The following MCM3 variants were observed in gnomAD, a reference collection of about 807,000 sequenced individuals.
MCM3 encodes the protein DNA replication licensing factor MCM3.
A neutral mutation model predicts 91.3 loss-of-function variants in MCM3; 59 were observed. That is an observed-to-expected ratio of 0.65 (90% CI 0.52 to 0.80). MCM3 has a LOEUF of 0.80. Among genes scored for constraint, MCM3 ranks in the 30% least tolerant of loss-of-function variants. The probability of loss-of-function intolerance (pLI) is 0.00; values close to 1 mark genes in which losing one functional copy is unlikely to be tolerated. For synonymous variants in MCM3, 383 were observed against 379.6 expected, an observed-to-expected ratio of 1.01 and a Z score of -0.10; for missense variants, 919 against 1,035.4, an observed-to-expected ratio of 0.89 and a Z score of 1.54.
intron 7 of MCM3, 114 bp from the exon 8 acceptor site, chr6:52,277,312 A>AT: frequency 2.5e-6 from 3 of 1,209,028 alleles, no homozygotes; most frequent in Middle Eastern, 2.9e-4. Context: ...GTGGATTTTA[A>AT]TATTTTTCCT....
At chr6:52,274,816 A>G (rs1282902021) in intron 9 of MCM3, among the ~76,000 whole-genome samples, 1 of 152,208 alleles carries the variant, frequency 6.6e-6, no homozygotes, top group East Asian at 1.9e-4. Flanking sequence ...CAGAGAACAT[A>G]ACAACCTTTA....
chr6:52,269,329 G>A (rs2128276608), intron 12 of MCM3, 103 bp from the exon 13 acceptor site: 2 of 1,159,688 alleles, frequency 1.7e-6, no homozygotes, highest in East Asian at 2.4e-5. Context: ...AGCCCCAGGA[G>A]GCCCAAGCAA....
intron 14 of MCM3, 21 bp from the exon 15 acceptor site, chr6:52,266,717 A>C: frequency 6.3e-7 from 1 of 1,589,382 alleles, no homozygotes; most frequent in South Asian, 1.1e-5. Flanking sequence ...CACAGCAGTT[A>C]AGAGAGAGAA....
In MCM3 at chr6:52,282,648, C is replaced by T; in HGVS notation, c.400+5G>A. Reference sequence around the variant, plus strand: ...TTCCTAAGCGGCCCCCTTTAACCCACTTACATTTAGTGACAATGCCCTCCA... The same window carrying T: ...TTCCTAAGCGGCCCCCTTTAACCCATTTACATTTAGTGACAATGCCCTCCA... On this transcript the variant is annotated splice_donor_5th_base_variant and intron_variant, in intron 3 of 16. Coordinates refer to ENST00000596288, the MANE Select transcript of MCM3 (RefSeq NM_002388.6). 1 of 1,612,696 alleles carries T rather than the reference C, an allele frequency of 6.2e-7. No homozygotes were observed. Among genetic ancestry groups the T allele is most frequent in the Non-Finnish European group, 8.5e-7 (1 of 1,179,958 alleles).
chr6:52,266,219 C>A, intron 15 of MCM3, 75 bp from the exon 16 acceptor site: 2 of 1,077,836 alleles, frequency 1.9e-6, no homozygotes, highest in Non-Finnish European at 1.4e-6. Flanking sequence ...CTAGAGAAAT[C>A]ATCTCCACTC....
At chr6:52,281,217 G>A (rs1048565003) in intron 4 of MCM3, among the ~76,000 whole-genome samples, 11 of 152,012 alleles carry the variant, frequency 7.2e-5, no homozygotes, top group Admixed American at 3.3e-4. Context: ...TCCCAAACCC[G>A]CAACAAAATA....
rs959456610 is a variant in MCM3 at position 52,279,536 on chromosome 6, T to C, written c.595A>G (p.Ile199Val). ...TTCTCCGGCATCTCCTGGATGGTGATGGTCTGGTGATCCTTGTAGACAGAA... is the reference window on the plus strand; with the variant it reads ...TTCTCCGGCATCTCCTGGATGGTGACGGTCTGGTGATCCTTGTAGACAGAA... ...GLSVYKDHQT[I>V]TIQEMPEKAP... Residue 199 changes from isoleucine to valine, a missense_variant, in exon 5 of 17, where the codon ATC (isoleucine) becomes GTC (valine). Transcript: ENST00000596288. The C allele has an allele frequency of 1.2e-6, 2 of 1,614,120 alleles. No homozygotes were observed. The highest frequency in any genetic ancestry group is 1.7e-6 in the Non-Finnish European group (2 of 1,180,004).
chr6:52,268,653 T>C (rs2128276137), intron 13 of MCM3, among the ~76,000 whole-genome samples: 1 of 152,252 alleles, frequency 6.6e-6, no homozygotes, highest in Non-Finnish European at 1.5e-5. Flanking sequence ...GTTTGAGAGT[T>C]CAACTTTAAA....
In MCM3 at chr6:52,279,407, G is replaced by A. The variant is rs771794236; in HGVS notation, c.724C>T (p.Arg242Cys). The A allele has an allele frequency of 8.8e-5, 142 of 1,613,986 alleles. No homozygotes were observed. Among genetic ancestry groups the A allele is most frequent in the East Asian group, 2.0e-4 (9 of 44,890 alleles). ...CCTCCCTTCTTTCCAGGAAGGCAACGGTAGGTTCCCACCACCTGAACCCGG... is the reference window on the plus strand; with the variant it reads ...CCTCCCTTCTTTCCAGGAAGGCAACAGTAGGTTCCCACCACCTGAACCCGG... ...GDRVQVVGTY[R>C]CLPGKKGGYT... The change falls in exon 5 of 17, where the codon CGT (arginine) becomes TGT (cysteine). Residue 242 changes from arginine (R) to cysteine (C), a missense_variant. Around this residue, in one of 3 missense-constraint regions of MCM3, gnomAD observed 401 missense variants for 402.7 expected, o/e 1.00. Transcript: ENST00000596288.
chr6:52,278,135 T>C (rs1422836832), intron 6 of MCM3, among the ~76,000 whole-genome samples: 1 of 150,320 alleles, frequency 6.7e-6, no homozygotes, highest in Non-Finnish European at 1.5e-5. Context: ...GGTACATTGT[T>C]CCTAACTGCA....
intron 9 of MCM3, among the ~76,000 whole-genome samples, chr6:52,274,782 A>G (rs759026854): frequency 1.3e-5 from 2 of 152,020 alleles, no homozygotes; most frequent in Non-Finnish European, 2.9e-5. Flanking sequence ...ACTGATACTT[A>G]CCCATCCACA....
At chr6:52,278,329 C>T (rs1272087731) in intron 6 of MCM3, among the ~76,000 whole-genome samples, 9 of 152,132 alleles carry the variant, frequency 5.9e-5, no homozygotes, top group Admixed American at 6.6e-5. Flanking sequence ...TATCATCACA[C>T]ATTCATATAT....
In MCM3 at chr6:52,276,471, G is replaced by A. The variant is rs1765575181; in HGVS notation, c.1171C>T (p.Arg391Cys). The A allele has an allele frequency of 6.8e-6, 11 of 1,613,852 alleles. No homozygotes were observed. The East Asian group carries it at 8.9e-5, about 13-fold the overall frequency. ...ACCATGGCCCCTGCTTCCAGACGGC[G>A]CTCTCCTGGGAAGTGAGAAGGTAAA... ...AVTTDQETGERRLEAGAMVLA... is the reference protein window; with the variant it reads ...AVTTDQETGECRLEAGAMVLA... The change falls in exon 9 of 17, where the codon CGC becomes TGC. Residue 391 changes from arginine (R) to cysteine (C), a missense_variant. Coordinates refer to ENST00000596288, the MANE Select transcript of MCM3 (RefSeq NM_002388.6).
chr6:52,264,401 G>A lies in MCM3; in HGVS notation c.*187C>T. Reference sequence around the variant, plus strand: ...CTGTCTCCTCTTTCCTCACCCCATGGCAGCTTTCATGACCCATTCCCAAAG... The same window carrying A: ...CTGTCTCCTCTTTCCTCACCCCATGACAGCTTTCATGACCCATTCCCAAAG... On this transcript the variant is annotated 3_prime_UTR_variant, in exon 17 of 17. Coordinates refer to ENST00000596288, the MANE Select transcript of MCM3 (RefSeq NM_002388.6). 1.7e-6 allele frequency: 1 copy of A among 597,832 alleles called. No homozygotes were observed. 37.0% of individuals were successfully genotyped at this position (597,832 alleles called of 1,614,324 possible).
intron 9 of MCM3, among the ~76,000 whole-genome samples, chr6:52,274,510 C>T (rs1765398702): frequency 6.6e-6 from 1 of 151,840 alleles, no homozygotes; most frequent in Non-Finnish European, 1.5e-5. Context: ...AAAACCCTGT[C>T]CCTATAAAAA....
chr6:52,278,903 G>C, intron 5 of MCM3, 53 bp from the exon 6 acceptor site: 1 of 1,302,284 alleles, frequency 7.7e-7, no homozygotes, highest in Non-Finnish European at 1.1e-6. Flanking sequence ...CCTAACATCA[G>C]TAGCTAGTAC....
Position 52,273,370 on chromosome 6 carries a change from G to A in MCM3, c.1550-14C>T. On this transcript the variant is annotated splice_polypyrimidine_tract_variant and intron_variant, in intron 10 of 16. Transcript: ENST00000596288. ...CCAAGGGCATAGCTGGTATACCCAA[G>A]TTAGGAGAAAGGAGAGTAATAAAGA... 6.2e-7 allele frequency: 1 copy of A among 1,613,922 alleles called. No homozygotes were observed. The highest frequency in any genetic ancestry group is 2.2e-5 in the East Asian group (1 of 44,874).
At chr6:52,266,334 A>G (rs1245765687) in intron 15 of MCM3, among the ~76,000 whole-genome samples, 190 bp from the exon 16 acceptor site, 1 of 152,206 alleles carries the variant, frequency 6.6e-6, no homozygotes, top group Non-Finnish European at 1.5e-5. Context: ...TGATGAAGGA[A>G]TTTAGTCAGG....
chr6:52,271,356 A>G (rs1472803846), intron 12 of MCM3, among the ~76,000 whole-genome samples: 1 of 151,944 alleles, frequency 6.6e-6, no homozygotes, highest in African/African-American at 2.4e-5. Context: ...ATTTAGACAA[A>G]TTTGGGCCGG....
Sources: allele counts gnomAD v4.1 joint callset (sites outside exome capture counted in the v4.1 genomes callset), GRCh38; gene constraint gnomAD v4.1.1; regional missense constraint gnomAD v4.1.1; transcripts MANE v1.5; gene names NCBI Gene and HGNC (gene_info 2026-07-23, HGNC 2026-07-21).